The following TEX14 variants were observed in gnomAD, a reference collection of about 807,000 sequenced individuals.
The protein encoded by TEX14 is inactive serine/threonine-protein kinase TEX14.
In TEX14, 168 loss-of-function variants were observed where a neutral mutation model predicts 178.6. The observed-to-expected ratio is 0.94, with a 90% CI of 0.83 to 1.07. The LOEUF (loss-of-function observed/expected upper bound fraction) is 1.07, where lower values mean the gene tolerates loss of function less well. Among genes scored for constraint, TEX14 ranks in the 50% least tolerant of loss-of-function variants. TEX14 has a pLI of 0.00. For synonymous variants in TEX14, 626 were observed against 634.1 expected, an observed-to-expected ratio of 0.99 and a Z score of 0.19; for missense variants, 1,730 against 1,753.6, an observed-to-expected ratio of 0.99 and a Z score of 0.24.
intron 19 of TEX14, among the ~76,000 whole-genome samples, chr17:58,583,826 G>A (rs1360632916): frequency 2.6e-5 from 4 of 152,188 alleles, no homozygotes; most frequent in African/African-American, 9.7e-5. Flanking sequence ...CATATGCCAT[G>A]ATTAAATACA....
chr17:58,563,658 TAG>T (rs1180956521), intron 28 of TEX14, among the ~76,000 whole-genome samples: 329 of 17,358 alleles, frequency 0.019, 1 homozygote, highest in Middle Eastern at 0.029. Context: ...TATATATATA[TAG>T]AGAGAGAGAG....
chr17:58,598,366 A>G (rs985893088), intron 14 of TEX14, among the ~76,000 whole-genome samples: 1 of 151,924 alleles, frequency 6.6e-6, no homozygotes, highest in African/African-American at 2.4e-5. Flanking sequence ...CTCTGGCTCT[A>G]TAGCTGTTTG....
At chr17:58,601,521 CAAAA>C (rs1198529874) in intron 13 of TEX14, among the ~76,000 whole-genome samples, 1 of 99,832 alleles carries the variant, frequency 1.0e-5, no homozygotes, top group Non-Finnish European at 2.1e-5. Flanking sequence ...GATTCCATCT[CAAAA>C]AAAAAAAAAA....
chr17:58,606,174 A>T (rs2045602305), intron 10 of TEX14, among the ~76,000 whole-genome samples: 1 of 152,206 alleles, frequency 6.6e-6, no homozygotes, highest in Non-Finnish European at 1.5e-5. Context: ...AAGTCAGAGC[A>T]TCCTAAATGT....
At chr17:58,613,331 G>A in intron 9 of TEX14, 90 bp downstream of exon 9, 1 of 1,516,220 alleles carries the variant, frequency 6.6e-7, no homozygotes, top group Non-Finnish European at 9.1e-7. Context: ...CATGCATGCA[G>A]AAATGGGATC....
intron 2 of TEX14, among the ~76,000 whole-genome samples, chr17:58,640,184 G>T (rs2144608020): frequency 6.6e-6 from 1 of 151,616 alleles, no homozygotes; most frequent in South Asian, 2.1e-4. Context: ...GATGGCACTT[G>T]CCTGTAGTCC....
At position 58,598,984 on chromosome 17, in the gene TEX14, G is replaced by A. The variant is rs760655857; in HGVS notation, c.2361C>T (p.Ala787=). Residue 787 remains alanine, a synonymous_variant, in exon 14 of 32, where the codon GCC becomes GCT. Coordinates refer to ENST00000349033, the MANE Select transcript of TEX14 (RefSeq NM_031272.5). Reference sequence around the variant, plus strand: ...TATAGTTTAAAGATGGAGGGCCCACGGCCAGAGGTAACTTGTAGGCATTTG... The same window carrying A: ...TATAGTTTAAAGATGGAGGGCCCACAGCCAGAGGTAACTTGTAGGCATTTG... The part of the protein sequence containing the change: ...EFTNAYKLPL[A]VGPPSLNYIP... The A allele has an allele frequency of 1.1e-5, 17 of 1,613,862 alleles. No individual in the cohort carries two copies. The highest frequency in any genetic ancestry group is 7.7e-5 in the South Asian group (7 of 91,074).
chr17:58,583,032 G>A (rs930042659), intron 19 of TEX14, among the ~76,000 whole-genome samples: 3 of 149,156 alleles, frequency 2.0e-5, no homozygotes, highest in African/African-American at 5.0e-5. Context: ...GTACAGTGGC[G>A]CAATGACAGC....
At chr17:58,648,101 G>C (rs1012405386) in intron 2 of TEX14, 6 of 152,212 alleles carry the variant, frequency 3.9e-5, no homozygotes, top group African/African-American at 1.4e-4. Flanking sequence ...GCTGTTTGTG[G>C]CAACTCCAGA....
chr17:58,649,817 G>A (rs558416854), intron 2 of TEX14, among the ~76,000 whole-genome samples: 14 of 152,004 alleles, frequency 9.2e-5, no homozygotes, highest in South Asian at 4.2e-4. Flanking sequence ...TCAGCTCACC[G>A]CAACCTCCAC....
intron 1 of TEX14, among the ~76,000 whole-genome samples, chr17:58,683,167 G>A (rs1373044287): frequency 6.6e-6 from 1 of 151,480 alleles, no homozygotes; most frequent in Non-Finnish European, 1.5e-5. Flanking sequence ...GAGGTCAAGA[G>A]TTCAAGACCA....
At chr17:58,635,903 G>A (rs1384471668) in intron 2 of TEX14, among the ~76,000 whole-genome samples, 2 of 151,890 alleles carry the variant, frequency 1.3e-5, no homozygotes, top group East Asian at 3.9e-4. Context: ...CCGCCACTAC[G>A]CCTGGCTAAT....
Position 58,659,306 on chromosome 17 carries a change from T to A in TEX14, c.-1-7304A>T, listed in dbSNP as rs561974936. 42 of 973,858 alleles carry A rather than the reference T, an allele frequency of 4.3e-5. No homozygotes were observed. In the African/African-American group the frequency reaches 6.2e-4, roughly 14 times the overall value. The allele number at this position is 973,858 out of a possible 1,614,324, so 60.3% of individuals were successfully genotyped here. A position where few individuals can be genotyped will look rare whatever the true frequency, so the allele number is the denominator to read the frequency against. On this transcript the variant is annotated intron_variant, in intron 1 of 31. Transcript: ENST00000349033. ...CGTCTCTCCCCCGCCACAAAGACAT[T>A]ATTTACTTAATATTGCTAATACCTT...
chr17:58,604,308 T>TA (rs1357011143), intron 11 of TEX14, among the ~76,000 whole-genome samples: 13 of 150,498 alleles, frequency 8.6e-5, no homozygotes, highest in Non-Finnish European at 1.5e-5. Flanking sequence ...CCGTCTCTAC[T>TA]AAAAATGCAA....
chr17:58,571,603 AG>A (rs2044531154), intron 24 of TEX14, among the ~76,000 whole-genome samples: 1 of 152,090 alleles, frequency 6.6e-6, no homozygotes. Flanking sequence ...AAAAAAAAGG[AG>A]GAAGAAGTAG....
At chr17:58,609,095 T>A (rs1410240847) in intron 10 of TEX14, among the ~76,000 whole-genome samples, 1 of 152,124 alleles carries the variant, frequency 6.6e-6, no homozygotes, top group Non-Finnish European at 1.5e-5. Flanking sequence ...ATGGCTCCGG[T>A]CATACCCTAA....
chr17:58,588,727 A>G (rs1189028012), intron 15 of TEX14, among the ~76,000 whole-genome samples: 2 of 152,168 alleles, frequency 1.3e-5, no homozygotes, highest in Admixed American at 6.6e-5. Context: ...CTCTAGGCCA[A>G]GGCTTCCTCA....
chr17:58,608,273 C>T (rs1471664457), intron 10 of TEX14, among the ~76,000 whole-genome samples: 1 of 152,006 alleles, frequency 6.6e-6, no homozygotes, highest in African/African-American at 2.4e-5. Context: ...AAAAATTAGC[C>T]GGGTATGGTG....
At position 58,585,948 on chromosome 17, in the gene TEX14, T is replaced by C. The variant is rs778303942; in HGVS notation, c.2923A>G (p.Ser975Gly). 2 of 1,614,042 alleles carry C rather than the reference T, an allele frequency of 1.2e-6. No homozygotes were observed. Among genetic ancestry groups the C allele is most frequent in the East Asian group, 4.5e-5 (2 of 44,876 alleles). ...PDALLQPPIR[S>G]PENTDWQRVI... Reference sequence around the variant, plus strand: ...CGCTGCCAATCCGTGTTTTCTGGGCTCCTAATGGGGGGCTGCAGCAGGGCG... The same window carrying C: ...CGCTGCCAATCCGTGTTTTCTGGGCCCCTAATGGGGGGCTGCAGCAGGGCG... The change falls in exon 18 of 32, where the codon AGC becomes GGC. Residue 975 changes from serine (S) to glycine (G), a missense_variant. Physicochemically the swap from Ser to Gly is moderately conservative, Grantham distance 56. Coordinates refer to ENST00000349033, the MANE Select transcript of TEX14 (RefSeq NM_031272.5).
Sources: allele counts gnomAD v4.1 joint callset (sites outside exome capture counted in the v4.1 genomes callset), GRCh38; gene constraint gnomAD v4.1.1; transcripts MANE v1.5; gene names NCBI Gene and HGNC (gene_info 2026-07-23, HGNC 2026-07-21).